Variants in HDAC4 observed in about 807,000 individuals in gnomAD.
The protein encoded by HDAC4 is histone deacetylase 4, also known as histone deacetylase A.
In HDAC4, 16 loss-of-function variants were observed where a neutral mutation model predicts 135.1. The observed-to-expected ratio is 0.12, with a 90% CI of 0.08 to 0.18. HDAC4 has a LOEUF of 0.18. Among genes scored for constraint, HDAC4 ranks in the 10% least tolerant of loss-of-function variants. HDAC4 has a pLI of 1.00. For synonymous variants in HDAC4, 685 were observed against 653.4 expected (o/e 1.05, Z -0.74); for missense variants, 1,143 against 1,511.8 (o/e 0.76, Z 4.05).
At position 239,111,515 on chromosome 2, in the gene HDAC4, C is replaced by T; in HGVS notation, c.1978+11G>A. ...GTTGCACCCTCAGGCTGCACAAAGG[C>T]CACGTGTTACCTGTCGTGAACCTCG... On this transcript the variant is annotated intron_variant, in intron 14 of 26. Coordinates refer to ENST00000543185, the MANE Select transcript of HDAC4 (RefSeq NM_001378414.1). 1 of 1,610,308 alleles carries T rather than the reference C, an allele frequency of 6.2e-7. No individual in the cohort carries two copies. Among genetic ancestry groups the T allele is most frequent in the Non-Finnish European group, 8.5e-7 (1 of 1,179,014 alleles).
At chr2:239,322,628 T>C (rs2053351913) in intron 2 of HDAC4, among the ~76,000 whole-genome samples, 1 of 152,202 alleles carries the variant, frequency 6.6e-6, no homozygotes. Context: ...GGTTCACCAG[T>C]AGACCCCAGT....
At chr2:239,112,535 G>A (rs2038770421) in intron 13 of HDAC4, among the ~76,000 whole-genome samples, 1 of 152,326 alleles carries the variant, frequency 6.6e-6, no homozygotes, top group African/African-American at 2.4e-5. Context: ...ATGAGATGGA[G>A]CTGGGCTGGG....
rs779436598 is a variant in HDAC4 at position 239,066,981 on chromosome 2, G to A, written c.2870-126C>T. The A allele has an allele frequency of 3.1e-5, 37 of 1,193,430 alleles. No individual in the cohort carries two copies. The highest frequency in any genetic ancestry group is 6.4e-5 in the Admixed American group (3 of 46,792). 73.9% of individuals were successfully genotyped at this position (1,193,430 alleles called of 1,614,324 possible). On this transcript the variant is annotated intron_variant, in intron 23 of 26. Coordinates refer to ENST00000543185, the MANE Select transcript of HDAC4 (RefSeq NM_001378414.1). ...GGGTGTCGAGACACATGGCCAGGCCGGGTTTCGTTTAATAAATTCGCTGAA... is the reference window on the plus strand; with the variant it reads ...GGGTGTCGAGACACATGGCCAGGCCAGGTTTCGTTTAATAAATTCGCTGAA...
intron 12 of HDAC4, among the ~76,000 whole-genome samples, chr2:239,122,798 C>T (rs191600875): frequency 6.4e-4 from 98 of 152,336 alleles, no homozygotes; most frequent in Admixed American, 5.9e-4. Flanking sequence ...AACAACTGCC[C>T]TCTAAGGTAC....
chr2:239,156,184 C>T (rs1009364041), intron 7 of HDAC4, among the ~76,000 whole-genome samples: 4 of 152,168 alleles, frequency 2.6e-5, no homozygotes, highest in African/African-American at 9.7e-5. Flanking sequence ...CAGGACATAG[C>T]GAATTTCTTT....
intron 2 of HDAC4, among the ~76,000 whole-genome samples, chr2:239,304,769 T>A (rs901557597): frequency 6.6e-6 from 1 of 152,144 alleles, no homozygotes; most frequent in African/African-American, 2.4e-5. Context: ...TTAATGGAGC[T>A]TAGGAATGAC....
chr2:239,063,458 C>G (rs2033073309), intron 24 of HDAC4, among the ~76,000 whole-genome samples: 1 of 152,200 alleles, frequency 6.6e-6, no homozygotes, highest in Non-Finnish European at 1.5e-5. Flanking sequence ...CCCGCCTCGG[C>G]CTCCCAAAGT....
rs1299137221 is a variant in HDAC4 at position 239,052,345 on chromosome 2, TTTG to T, written c.*749_*751del. The T allele has an allele frequency of 1.3e-5, 2 of 152,290 alleles. No homozygotes were observed. The highest frequency in any genetic ancestry group is 2.9e-5 in the Non-Finnish European group (2 of 68,012). The allele number at this position is 152,290 out of a possible 1,614,324, so 9.4% of individuals were successfully genotyped here. Reference sequence around the variant, plus strand: ...GAAACTGTCCCACCGATTCCTGCTGTTTGTTTTTTCTTAAGGCATTGTTCCTCA... The same window carrying T: ...GAAACTGTCCCACCGATTCCTGCTGTTTTTTTCTTAAGGCATTGTTCCTCA... On this transcript the variant is annotated 3_prime_UTR_variant, in exon 27 of 27. Transcript: ENST00000543185.
At chr2:239,363,347 A>C (rs1331331479) in intron 1 of HDAC4, among the ~76,000 whole-genome samples, 1 of 152,240 alleles carries the variant, frequency 6.6e-6, no homozygotes, top group Admixed American at 6.5e-5. Flanking sequence ...CTGGAAGAGA[A>C]ACAAGCTTGG....
intron 3 of HDAC4, among the ~76,000 whole-genome samples, chr2:239,233,459 A>G (rs946824380): frequency 9.2e-6 from 1 of 108,730 alleles, no homozygotes; most frequent in Non-Finnish European, 2.1e-5. Flanking sequence ...CCAAAATCCG[A>G]AAAAAAAAAA....
rs917173418 is a variant in HDAC4 at position 239,309,588 on chromosome 2, T to C, written c.22+43090A>G. 5.9e-5 allele frequency among the ~76,000 whole-genome samples: 9 copies of C among 152,262 alleles called. No individual in the cohort carries two copies. The highest frequency in any genetic ancestry group is 1.2e-4 in the Non-Finnish European group (8 of 68,042). On this transcript the variant is annotated intron_variant, in intron 2 of 26. Transcript: ENST00000543185. The surrounding 1 kb of genome is among the most constrained non-coding windows in gnomAD (Gnocchi z 4.2). Reference sequence around the variant, plus strand: ...TTCTCCTGCACCTGGCGGGAGGCTCTGGCCTTGCAGGCGTGCAGGAGCCCC... The same window carrying C: ...TTCTCCTGCACCTGGCGGGAGGCTCCGGCCTTGCAGGCGTGCAGGAGCCCC...
rs1050698377 is a variant in HDAC4, at chr2:239,303,566, C to T, written c.22+49112G>A. 3.9e-5 allele frequency among the ~76,000 whole-genome samples: 6 copies of T among 152,120 alleles called. No homozygotes were observed. Among genetic ancestry groups the T allele is most frequent in the East Asian group, 1.9e-4 (1 of 5,194 alleles). On this transcript the variant is annotated intron_variant, in intron 2 of 26. Coordinates refer to ENST00000543185, the MANE Select transcript of HDAC4 (RefSeq NM_001378414.1). The surrounding 1 kb of genome is among the most constrained non-coding windows in gnomAD (Gnocchi z 5.1). ...CTTAAGAATCCTCTCATCAATGTTA[C>T]GTTGTCAGCTTTCTCTGTTTTCTTT...
rs1696910444 is a variant in HDAC4, at chr2:239,400,583, T to C, written c.-220+395A>G. 6.9e-6 allele frequency: 1 copy of C among 143,904 alleles called. No homozygotes were observed. The allele number at this position is 143,904 out of a possible 1,614,324, so 8.9% of individuals were successfully genotyped here. On this transcript the variant is annotated intron_variant, in intron 1 of 26. Transcript: ENST00000543185. This position sits in a 1 kb window ranked among gnomAD's most constrained non-coding sequence, Gnocchi z 4.7. ...CCCACGGCCGCGCGCGGGGCGGGTG[T>C]GGACCGGCGGCGTCCACCTGCCGCG... is the stretch of plus-strand genomic sequence containing the variant.
chr2:239,064,493 A>G (rs772924475), intron 24 of HDAC4, among the ~76,000 whole-genome samples: 8 of 152,110 alleles, frequency 5.3e-5, no homozygotes, highest in Non-Finnish European at 1.0e-4. Flanking sequence ...ATCGGCCTCA[A>G]CAGAAGGGGA....
In HDAC4 at chr2:239,129,447, C is replaced by T. The variant is rs1294685830; in HGVS notation, c.1295-2753G>A. On this transcript the variant is annotated intron_variant, in intron 11 of 26. Coordinates refer to ENST00000543185, the MANE Select transcript of HDAC4 (RefSeq NM_001378414.1). Reference sequence around the variant, plus strand: ...CAGGGGCTGGCTGTGTGGTGCTGGGCGGGGTGTGGGGCAGAGCCTGGCTCC... The same window carrying T: ...CAGGGGCTGGCTGTGTGGTGCTGGGTGGGGTGTGGGGCAGAGCCTGGCTCC... Among the ~76,000 whole-genome samples, 9 of 152,130 alleles carry T rather than the reference C, an allele frequency of 5.9e-5. 1 individual carries two copies. The highest frequency in any genetic ancestry group is 8.8e-5 in the Non-Finnish European group (6 of 68,014).
intron 2 of HDAC4, among the ~76,000 whole-genome samples, chr2:239,255,457 G>C (rs2049000143): frequency 6.6e-6 from 1 of 152,194 alleles, no homozygotes; most frequent in South Asian, 2.1e-4. Context: ...TTTATGACCT[G>C]CATCTCCGGG....
At chr2:239,132,571 G>T (rs2040667438) in intron 11 of HDAC4, among the ~76,000 whole-genome samples, 1 of 152,188 alleles carries the variant, frequency 6.6e-6, no homozygotes, top group Non-Finnish European at 1.5e-5. Context: ...AGGTCCCCAT[G>T]CCAACGAGCA....
At chr2:239,319,711 A>G (rs1311596059) in intron 2 of HDAC4, among the ~76,000 whole-genome samples, 1 of 152,248 alleles carries the variant, frequency 6.6e-6, no homozygotes, top group Non-Finnish European at 1.5e-5. Context: ...ACAAAATTGA[A>G]TGCAAGACAC....
At chr2:239,328,546 G>A (rs2125804784) in intron 2 of HDAC4, among the ~76,000 whole-genome samples, 1 of 152,328 alleles carries the variant, frequency 6.6e-6, no homozygotes, top group Middle Eastern at 3.4e-3. Flanking sequence ...CCACTGGAAG[G>A]AGGCAAATAC....
Sources: allele counts gnomAD v4.1 joint callset (sites outside exome capture counted in the v4.1 genomes callset), GRCh38; gene constraint gnomAD v4.1.1; non-coding constraint Gnocchi (gnomAD v3.1); transcripts MANE v1.5; gene names NCBI Gene and HGNC (gene_info 2026-07-23, HGNC 2026-07-21).